Variants in ASL observed in about 807,000 individuals in gnomAD.
ASL encodes argininosuccinate lyase.
Under a neutral mutation model 69.1 loss-of-function variants are expected in ASL, and 51 were observed. The observed-to-expected ratio is 0.74, with a 90% CI of 0.59 to 0.93. The LOEUF (loss-of-function observed/expected upper bound fraction) is 0.93, where lower values mean the gene tolerates loss of function less well. ASL is among the 40% of genes least tolerant of loss of function. The probability of loss-of-function intolerance (pLI) is 0.00; values close to 1 mark genes in which losing one functional copy is unlikely to be tolerated. For missense variants in ASL, 540 were observed against 623.9 expected, an observed-to-expected ratio of 0.87 and a Z score of 1.43; for synonymous variants, 241 against 247.6, an observed-to-expected ratio of 0.97 and a Z score of 0.25.
Position 66,089,678 on chromosome 7 carries a change from G to T in ASL, c.1045G>T (p.Val349Phe). Reference protein sequence around the residue: ...MSAVLQVATGVISTLQIHQEN... With the variant: ...MSAVLQVATGFISTLQIHQEN... ...TGCCGTGCTCCAGGTGGCCACTGGC[G>T]TCATCTCTACGCTGCAGGCAAGACA... Residue 349 changes from valine (V) to phenylalanine (F), a missense_variant, in exon 14 of 17, where the codon GTC (valine) becomes TTC (phenylalanine). Coordinates refer to ENST00000304874, the MANE Select transcript of ASL (RefSeq NM_000048.4). The T allele has an allele frequency of 1.2e-6, 2 of 1,613,518 alleles. No individual in the cohort carries two copies. The highest frequency in any genetic ancestry group is 1.7e-6 in the Non-Finnish European group (2 of 1,179,754).
At position 66,080,896 on chromosome 7, in the gene ASL, T is replaced by C. The variant is rs570187444; in HGVS notation, c.13-907T>C. On this transcript the variant is annotated intron_variant, in intron 2 of 16. Coordinates refer to ENST00000304874, the MANE Select transcript of ASL (RefSeq NM_000048.4). ...TTGGGATCTTAGTCCAGCTCCAAGC[T>C]GTGAGGGAGAGAGTTGCAGGGCACT... is the stretch of plus-strand genomic sequence containing the variant. 7.9e-5 allele frequency among the ~76,000 whole-genome samples: 12 copies of C among 152,236 alleles called. No individual in the cohort carries two copies. The South Asian group carries it at 2.5e-3, about 32-fold the overall frequency.
intron 11 of ASL, 71 bp from the exon 12 acceptor site, chr7:66,089,020 C>T (rs1786756350): frequency 6.2e-7 from 1 of 1,610,730 alleles, no homozygotes; most frequent in Admixed American, 1.7e-5. Context: ...ACCCCTCCGC[C>T]AGACCTGGCC....
At position 66,089,321 on chromosome 7, in the gene ASL, A is replaced by G. The variant is rs759495870; in HGVS notation, c.964A>G (p.Asn322Asp). The change falls in exon 13 of 17, where the codon AAC becomes GAC. Residue 322 changes from asparagine (N) to aspartate (D), a missense_variant. Asn to Asp is a conservative substitution (Grantham distance 23). Coordinates refer to ENST00000304874, the MANE Select transcript of ASL (RefSeq NM_000048.4). Reference sequence around the variant, plus strand: ...CCTCAAGGGACTTCCCAGCACCTACAACAAAGACTTACAGGTGCGAGGCCG... The same window carrying G: ...CCTCAAGGGACTTCCCAGCACCTACGACAAAGACTTACAGGTGCGAGGCCG... ...MTLKGLPSTY[N>D]KDLQEDKEAV... The G allele has an allele frequency of 1.9e-6, 3 of 1,607,898 alleles. No individual in the cohort carries two copies. In the African/African-American group the frequency reaches 4.0e-5, roughly 21 times the overall value.
intron 2 of ASL, 49 bp downstream of exon 2, chr7:66,076,142 A>G: frequency 6.4e-7 from 1 of 1,572,776 alleles, no homozygotes; most frequent in Non-Finnish European, 8.6e-7. Context: ...CAAAGGAGAG[A>G]GTGGGGGCGC....
chr7:66,084,234 AC>A (rs1786596156), intron 6 of ASL, among the ~76,000 whole-genome samples: 1 of 151,438 alleles, frequency 6.6e-6, no homozygotes, highest in Non-Finnish European at 1.5e-5. Flanking sequence ...ATCTGAGCTA[AC>A]TGCAAACTCT....
At chr7:66,080,480 C>T (rs1020780795) in intron 2 of ASL, among the ~76,000 whole-genome samples, 4 of 151,490 alleles carry the variant, frequency 2.6e-5, no homozygotes, top group Admixed American at 6.6e-5. Flanking sequence ...CCAAGCACTT[C>T]GGGATGCCAA....
Position 66,092,876 on chromosome 7 carries a change from C to G in ASL, c.1359C>G (p.Arg453=). Residue 453 remains arginine (R), a synonymous_variant, in exon 17 of 17, where the codon CGC becomes CGG. Coordinates refer to ENST00000304874, the MANE Select transcript of ASL (RefSeq NM_000048.4). The part of the protein sequence containing the change: ...TARSSVDWQI[R]QVRALLQAQQ... ...GCTCCAGCGTCGACTGGCAGATCCG[C>G]CAGGTGCGGGCGCTACTGCAGGCAC... 3 of 1,611,648 alleles carry G rather than the reference C, an allele frequency of 1.9e-6. No homozygotes were observed. Among genetic ancestry groups the G allele is most frequent in the Non-Finnish European group, 2.5e-6 (3 of 1,179,940 alleles).
chr7:66,077,400 G>C (rs984350912), intron 2 of ASL, among the ~76,000 whole-genome samples: 5 of 151,950 alleles, frequency 3.3e-5, no homozygotes, highest in Admixed American at 3.3e-4. Context: ...CTCCAGCCCA[G>C]GCAACAGAGT....
chr7:66,085,431 C>T (rs928292706), intron 6 of ASL, among the ~76,000 whole-genome samples: 9 of 151,848 alleles, frequency 5.9e-5, no homozygotes, highest in African/African-American at 2.2e-4. Flanking sequence ...GAGATCACGC[C>T]ACTGCATTCC....
intron 6 of ASL, 198 bp downstream of exon 6, chr7:66,083,372 T>C (rs1240736840): frequency 3.5e-6 from 2 of 567,656 alleles, no homozygotes; most frequent in Admixed American, 5.8e-5. Flanking sequence ...CCAGTCTAGC[T>C]CAGCAGGCAG....
intron 4 of ASL, 37 bp from the exon 5 acceptor site, chr7:66,082,843 G>C: frequency 5.6e-6 from 9 of 1,612,538 alleles, no homozygotes; most frequent in Non-Finnish European, 7.6e-6. Context: ...TCCTCTGGGG[G>C]TATAGACCGT....
Position 66,092,566 on chromosome 7 carries a change from C to A in ASL, c.1153C>A (p.Arg385Ser). The A allele has an allele frequency of 6.2e-7, 1 of 1,609,482 alleles. No homozygotes were observed. ...CCTCCCTGGCACCCAGATGCCATTC[C>A]GCCAGGCCCACGAGGCCTCCGGGAA... Reference protein sequence around the residue: ...YYLVRKGMPFRQAHEASGKAV... With the variant: ...YYLVRKGMPFSQAHEASGKAV... Residue 385 changes from arginine (R) to serine (S), a missense_variant, in exon 16 of 17, where the codon CGC (arginine) becomes AGC (serine). Transcript: ENST00000304874.
At chr7:66,079,954 G>A (rs146118216) in intron 2 of ASL, among the ~76,000 whole-genome samples, 6 of 151,968 alleles carry the variant, frequency 3.9e-5, no homozygotes, top group East Asian at 1.9e-4. Flanking sequence ...GTGTGGTGGC[G>A]CATGCTTGTA....
chr7:66,081,390 G>A lies in ASL; in HGVS notation c.13-413G>A, dbSNP rs572121265. 5.9e-5 allele frequency among the ~76,000 whole-genome samples: 9 copies of A among 152,148 alleles called. No individual in the cohort carries two copies. The East Asian group carries it at 1.5e-3, about 26-fold the overall frequency. On this transcript the variant is annotated intron_variant, in intron 2 of 16. Coordinates refer to ENST00000304874, the MANE Select transcript of ASL (RefSeq NM_000048.4). ...AGGTCAGGAGTTCAAGACCAGCCTGGCCAACATGGTGAAACCCCATCTCTA... is the reference window on the plus strand; with the variant it reads ...AGGTCAGGAGTTCAAGACCAGCCTGACCAACATGGTGAAACCCCATCTCTA...
chr7:66,088,835 C>A lies in ASL; in HGVS notation c.747C>A (p.Cys249Ter). 1.9e-6 allele frequency: 3 copies of A among 1,613,994 alleles called. No individual in the cohort carries two copies. The highest frequency in any genetic ancestry group is 2.5e-6 in the Non-Finnish European group (3 of 1,179,986). Reference sequence around the variant, plus strand: ...AGTTCCTGTTCTGGGCTTCGCTGTGCATGACCCATCTCAGCAGGATGGCCG... The same window carrying A: ...AGTTCCTGTTCTGGGCTTCGCTGTGAATGACCCATCTCAGCAGGATGGCCG... The part of the protein sequence containing the change: ...VAEFLFWASL[C>*]MTHLSRMAED... The change falls in exon 11 of 17, where the codon TGC becomes TGA. Residue 249 changes from cysteine (C) to a stop codon, truncating the protein, a stop_gained. Transcript: ENST00000304874. LOFTEE classifies it high-confidence loss of function.
Position 66,092,609 on chromosome 7 carries a change from A to G in ASL, c.1196A>G (p.Glu399Gly). ...TCCGGGAAAGCTGTGTTCATGGCCG[A>G]GACCAAGGGGGTCGCCCTCAACCAG... ...EASGKAVFMAETKGVALNQLS... is the reference protein window; with the variant it reads ...EASGKAVFMAGTKGVALNQLS... The change falls in exon 16 of 17, where the codon GAG (glutamate) becomes GGG (glycine). Residue 399 changes from glutamate (E) to glycine (G), a missense_variant. Physicochemically the swap from Glu to Gly is moderately conservative, Grantham distance 98 (BLOSUM62 -2). Transcript: ENST00000304874. The G allele has an allele frequency of 6.2e-7, 1 of 1,613,108 alleles. No individual in the cohort carries two copies. Among genetic ancestry groups the G allele is most frequent in the Non-Finnish European group, 8.5e-7 (1 of 1,180,006 alleles).
chr7:66,087,835 GTC>G, intron 10 of ASL, 44 bp downstream of exon 10: 1 of 1,611,274 alleles, frequency 6.2e-7, no homozygotes, highest in South Asian at 1.1e-5. Flanking sequence ...CCTCACTTTA[GTC>G]CTTCAGCCCA....
intron 10 of ASL, among the ~76,000 whole-genome samples, 158 bp from the exon 11 acceptor site, chr7:66,088,648 CA>C (rs1786740410): frequency 6.6e-6 from 1 of 152,140 alleles, no homozygotes; most frequent in Non-Finnish European, 1.5e-5. Context: ...CTTGAGCCCA[CA>C]AGTTTCAGAA....
intron 2 of ASL, among the ~76,000 whole-genome samples, chr7:66,078,627 T>G (rs1482367096): frequency 7.2e-6 from 1 of 138,708 alleles, no homozygotes; most frequent in East Asian, 1.9e-4. Context: ...TATCCTTATC[T>G]TATTATTATT....
Sources: allele counts gnomAD v4.1 joint callset (sites outside exome capture counted in the v4.1 genomes callset), GRCh38; gene constraint gnomAD v4.1.1; transcripts MANE v1.5; gene names NCBI Gene and HGNC (gene_info 2026-07-23, HGNC 2026-07-21).